MUC12: variants seen among roughly 807,000 people sequenced by gnomAD.
The protein encoded by MUC12 is mucin-12.
Under a neutral mutation model 230.8 loss-of-function variants are expected in MUC12, and 172 were observed. The ratio of observed to expected loss-of-function variants is 0.75; its 90% CI spans 0.66 to 0.85. MUC12 has a LOEUF of 0.85. MUC12 is among the 40% of genes least tolerant of loss of function. The pLI, the probability that MUC12 is intolerant of heterozygous loss-of-function variation, is 0.00. For synonymous variants in MUC12, 1,259 were observed against 2,401.9 expected (o/e 0.52, Z 13.91); for missense variants, 3,506 against 5,920.6 (o/e 0.59, Z 13.38).
chr7:100,986,572 C>A (rs897595419), intron 1 of MUC12, among the ~76,000 whole-genome samples: 3 of 152,184 alleles, frequency 2.0e-5, no homozygotes, highest in Non-Finnish European at 4.4e-5. Flanking sequence ...TTTGATAGTG[C>A]TCTGTCTACC....
In MUC12 at chr7:100,995,436, G is replaced by C. The variant is rs929609686; in HGVS notation, c.4873G>C (p.Ala1625Pro). ...AACATTGTCCCCTGGCAGTACCACA[G>C]CATCATCCCTTGGTCCAGAATCTAC... ...DTTLSPGSTT[A>P]SSLGPESTTF... The change falls in exon 2 of 12, where the codon GCA becomes CCA. Residue 1625 changes from alanine to proline, a missense_variant. By Grantham distance (27) the Ala-to-Pro change is conservative. Transcript: ENST00000536621. 5.4e-5 allele frequency: 83 copies of C among 1,533,482 alleles called. No individual in the cohort carries two copies. The highest frequency in any genetic ancestry group is 7.0e-5 in the Non-Finnish European group (80 of 1,145,338). The allele number at this position is 1,533,482 out of a possible 1,614,324, so 95.0% of individuals were successfully genotyped here. A position where few individuals can be genotyped will look rare whatever the true frequency, so the allele number is the denominator to read the frequency against.
chr7:100,973,130 G>C (rs76421306), intron 1 of MUC12: 1 of 568,614 alleles, frequency 1.8e-6, no homozygotes, highest in Non-Finnish European at 3.1e-6. Context: ...TAGGGCTGGG[G>C]ATGCCTCTGT....
At chr7:101,009,017 A>C in intron 4 of MUC12, 78 bp from the exon 5 acceptor site, 1 of 1,480,156 alleles carries the variant, frequency 6.8e-7, no homozygotes, top group Non-Finnish European at 9.1e-7. Flanking sequence ...AAAGGTGCCT[A>C]GGGCTGCCTC....
chr7:101,018,752 G>A lies in MUC12; in HGVS notation c.*116G>A. ...AGACCGAAGTCAGGCCCTGAAGCCG[G>A]TCCTGCTCTGAGCTGACAGACTTGG... On this transcript the variant is annotated 3_prime_UTR_variant, in exon 12 of 12. Coordinates refer to ENST00000536621, the MANE Select transcript of MUC12 (RefSeq NM_001164462.2). 1 of 1,084,922 alleles carries A rather than the reference G, an allele frequency of 9.2e-7. No individual in the cohort carries two copies. The highest frequency in any genetic ancestry group is 2.9e-5 in the East Asian group (1 of 34,630). 67.2% of individuals were successfully genotyped at this position (1,084,922 alleles called of 1,614,324 possible).
intron 11 of MUC12, among the ~76,000 whole-genome samples, chr7:101,018,281 T>C (rs1474982581): frequency 4.2e-5 from 1 of 23,892 alleles, no homozygotes; most frequent in Admixed American, 5.6e-4. Flanking sequence ...CTCCCTCCTC[T>C]CCTTAGGACT....
In MUC12 at chr7:100,991,867, A is replaced by C. The variant is rs569739861; in HGVS notation, c.1304A>C (p.Glu435Ala). 2.6e-6 allele frequency: 4 copies of C among 1,537,708 alleles called. No homozygotes were observed. In the East Asian group the frequency reaches 9.8e-5, roughly 38 times the overall value. ...RDSSTISGRS[E>A]ESKASHSSPD... ...AGCTCCACAATCTCAGGCCGTAGTG[A>C]GGAATCAAAAGCATCCCACAGCAGC... The change falls in exon 2 of 12, where the codon GAG becomes GCG. Residue 435 changes from glutamate to alanine, a missense_variant. By Grantham distance (107) the Glu-to-Ala change is moderately radical. Transcript: ENST00000536621.
chr7:101,009,571 G>A (rs1361130026), intron 5 of MUC12, among the ~76,000 whole-genome samples: 1 of 152,172 alleles, frequency 6.6e-6, no homozygotes, highest in East Asian at 1.9e-4. Flanking sequence ...GGTGGTTCAT[G>A]CATGTAATCT....
chr7:100,980,403 T>G (rs1367884257), intron 1 of MUC12, among the ~76,000 whole-genome samples: 1 of 152,182 alleles, frequency 6.6e-6, no homozygotes, highest in Non-Finnish European at 1.5e-5. Context: ...TATTTCTATG[T>G]ATTTAGATTT....
rs1458647230 is a variant in MUC12 at position 100,996,390 on chromosome 7, T to C, written c.5827T>C (p.Ser1943Pro). Residue 1943 changes from serine to proline, a missense_variant, in exon 2 of 12, where the codon TCA (serine) becomes CCA (proline). Ser to Pro is a moderately conservative substitution (Grantham distance 74). Transcript: ENST00000536621. ...CACCACCTCCCACAGCCGACCAGGCTCAACGCACACAACAGCATTCCCTGA... is the reference window on the plus strand; with the variant it reads ...CACCACCTCCCACAGCCGACCAGGCCCAACGCACACAACAGCATTCCCTGA... ...ESTTSHSRPG[S>P]THTTAFPDST... The C allele has an allele frequency of 6.5e-7, 1 of 1,537,294 alleles. No homozygotes were observed. The highest frequency in any genetic ancestry group is 8.7e-7 in the Non-Finnish European group (1 of 1,146,934).
In MUC12 at chr7:100,991,336, C is replaced by T. The variant is rs770096252; in HGVS notation, c.773C>T (p.Ser258Leu). The T allele has an allele frequency of 7.5e-5, 115 of 1,537,764 alleles. No individual in the cohort carries two copies. In the African/African-American group the frequency reaches 1.1e-3, roughly 15 times the overall value. Residue 258 changes from serine (S) to leucine (L), a missense_variant, in exon 2 of 12, where the codon TCG (serine) becomes TTG (leucine). Coordinates refer to ENST00000536621, the MANE Select transcript of MUC12 (RefSeq NM_001164462.2). ...ASTPVHSSTG[S>L]PHTTLSPSSS... ...ACGCCCGTCCACAGCAGCACTGGATCGCCACACACAACACTGTCCCCTTCC... is the reference window on the plus strand; with the variant it reads ...ACGCCCGTCCACAGCAGCACTGGATTGCCACACACAACACTGTCCCCTTCC...
Position 100,992,301 on chromosome 7 carries a change from T to C in MUC12, c.1738T>C (p.Phe580Leu). 5 of 1,536,828 alleles carry C rather than the reference T, an allele frequency of 3.3e-6. No homozygotes were observed. Among genetic ancestry groups the C allele is most frequent in the Non-Finnish European group, 4.4e-6 (5 of 1,146,182 alleles). ...ATCCCTTGGTCCAGAATATACTACC[T>C]TCCACAGCCGCCCAGGCTCCACTGA... ...ASSLGPEYTT[F>L]HSRPGSTETT... The change falls in exon 2 of 12, where the codon TTC becomes CTC. Residue 580 changes from phenylalanine (F) to leucine (L), a missense_variant. Phe to Leu is a conservative substitution (Grantham distance 22). Coordinates refer to ENST00000536621, the MANE Select transcript of MUC12 (RefSeq NM_001164462.2).
chr7:100,984,146 A>C (rs527250568), intron 1 of MUC12, among the ~76,000 whole-genome samples: 1 of 152,224 alleles, frequency 6.6e-6, no homozygotes, highest in Non-Finnish European at 1.5e-5. Flanking sequence ...GACACATACA[A>C]ATAGCAAAGC....
At chr7:100,973,517 C>G (rs541860449) in intron 1 of MUC12, among the ~76,000 whole-genome samples, 21 of 152,336 alleles carry the variant, frequency 1.4e-4, no homozygotes, top group Admixed American at 8.5e-4. Flanking sequence ...AACTTTGCAG[C>G]CTCCAGAACT....
Position 101,004,342 on chromosome 7 carries a change from C to T in MUC12, c.13779C>T (p.Ser4593=). The T allele has an allele frequency of 3.7e-6, 5 of 1,349,252 alleles. No individual in the cohort carries two copies. Among genetic ancestry groups the T allele is most frequent in the Non-Finnish European group, 4.9e-6 (5 of 1,019,322 alleles). The allele number at this position is 1,349,252 out of a possible 1,614,324, so 83.6% of individuals were successfully genotyped here. Residue 4593 remains serine, a synonymous_variant, in exon 2 of 12, where the codon TCC becomes TCT. Transcript: ENST00000536621. ...ATATTPSPAR[S]TTSGLVEEST... is the part of the protein sequence containing the mutation. ...CAACAACACCCTCGCCTGCCCGCTC[C>T]ACAACCTCAGGCCTCGTTGAAGAAT... is the stretch of plus-strand genomic sequence containing the variant.
Position 100,995,494 on chromosome 7 carries a change from C to G in MUC12, c.4931C>G (p.Thr1644Arg), listed in dbSNP as rs1403285970. 4 of 1,535,080 alleles carry G rather than the reference C, an allele frequency of 2.6e-6. No homozygotes were observed. The East Asian group carries it at 9.8e-5, about 38-fold the overall frequency. The change falls in exon 2 of 12, where the codon ACA (threonine) becomes AGA (arginine). Residue 1644 changes from threonine (T) to arginine (R), a missense_variant. Transcript: ENST00000536621. ...TFHSSPGSTETTLLPDNTTAS... is the reference protein window; with the variant it reads ...TFHSSPGSTERTLLPDNTTAS... ...CACAGCAGCCCAGGCTCCACTGAAA[C>G]AACACTCTTACCTGACAACACCACA...
Position 101,004,560 on chromosome 7 carries a change from C to T in MUC12, c.13997C>T (p.Ala4666Val), listed in dbSNP as rs769270413. 7.2e-6 allele frequency: 11 copies of T among 1,537,194 alleles called. No homozygotes were observed. In the African/African-American group the frequency reaches 1.1e-4, roughly 15 times the overall value. ...TSYHSSPGSI[A>V]TTHFPESSTT... ...TACCACAGCAGCCCGGGCTCAATTG[C>T]AACAACACACTTTCCTGAGAGCTCC... The change falls in exon 2 of 12, where the codon GCA becomes GTA. Residue 4666 changes from alanine (A) to valine (V), a missense_variant. Coordinates refer to ENST00000536621, the MANE Select transcript of MUC12 (RefSeq NM_001164462.2).
rs542136097 is a variant in MUC12, at chr7:100,995,667, C to A, written c.5104C>A (p.Pro1702Thr). 1.3e-6 allele frequency: 2 copies of A among 1,537,232 alleles called. No individual in the cohort carries two copies. The highest frequency in any genetic ancestry group is 1.7e-6 in the Non-Finnish European group (2 of 1,147,066). ...AAGCTCAAAGGACACTATGCCTGCA[C>A]CTCCTACTACCACATCAGCCTTTGT... is the stretch of plus-strand genomic sequence containing the variant. The part of the protein sequence containing the change: ...WPSSKDTMPA[P>T]PTTTSAFVEL... Residue 1702 changes from proline (P) to threonine (T), a missense_variant, in exon 2 of 12, where the codon CCT (proline) becomes ACT (threonine). By Grantham distance (38) the Pro-to-Thr change is conservative. Coordinates refer to ENST00000536621, the MANE Select transcript of MUC12 (RefSeq NM_001164462.2).
In MUC12 at chr7:101,018,498, G is replaced by A; in HGVS notation, c.15967-97G>A. 5 of 1,052,844 alleles carry A rather than the reference G, an allele frequency of 4.7e-6. No homozygotes were observed. In the South Asian group the frequency reaches 6.7e-5, roughly 14 times the overall value. 65.2% of individuals were successfully genotyped at this position (1,052,844 alleles called of 1,614,324 possible). A position where few individuals can be genotyped will look rare whatever the true frequency, so the allele number is the denominator to read the frequency against. The stretch of plus-strand genomic sequence containing the variant: ...CCCTGGGACTCCCTCCCTCCCCCTG[G>A]GGTTCCCTCCTCCCCGCCAGGGCTC... On this transcript the variant is annotated intron_variant, in intron 11 of 11. Coordinates refer to ENST00000536621, the MANE Select transcript of MUC12 (RefSeq NM_001164462.2).
chr7:101,018,783 C>T lies in MUC12; in HGVS notation c.*147C>T, dbSNP rs1171936597. On this transcript the variant is annotated 3_prime_UTR_variant, in exon 12 of 12. Coordinates refer to ENST00000536621, the MANE Select transcript of MUC12 (RefSeq NM_001164462.2). ...CTCTGAGCTGACAGACTTGGCCAGT[C>T]CCCTGCCTGTGCTCCTGCTGGGGAA... 2.7e-6 allele frequency: 2 copies of T among 747,186 alleles called. No individual in the cohort carries two copies. The highest frequency in any genetic ancestry group is 4.0e-6 in the Non-Finnish European group (2 of 497,716). 46.3% of individuals were successfully genotyped at this position (747,186 alleles called of 1,614,324 possible). A position where few individuals can be genotyped will look rare whatever the true frequency, so the allele number is the denominator to read the frequency against.
Sources: gnomAD v4.1 joint callset for allele counts (sites outside exome capture counted in the v4.1 genomes callset) on GRCh38, gnomAD v4.1.1 for gene constraint, MANE v1.5 for transcripts, NCBI Gene and HGNC (gene_info 2026-07-23, HGNC 2026-07-21) for gene names.